RPL28: variants seen among roughly 807,000 people sequenced by gnomAD.
RPL28 encodes ribosomal protein L28.
Under a neutral mutation model 12.5 loss-of-function variants are expected in RPL28, and 4 were observed. The observed-to-expected ratio is 0.32, with a 90% confidence interval of 0.16 to 0.73. The LOEUF is 0.73. Ranked by LOEUF, RPL28 falls within the 30% of genes least tolerant of loss-of-function variation. The pLI, the probability that RPL28 is intolerant of heterozygous loss-of-function variation, is 0.66. For synonymous variants in RPL28, 91 were observed against 72.5 expected (o/e 1.26, Z -1.30); for missense variants, 214 against 197.7 (o/e 1.08, Z -0.49).
rs1430090522 is a variant in RPL28 at position 55,385,937 on chromosome 19, T to C, written c.-37T>C. 4.2e-6 allele frequency: 1 copy of C among 235,600 alleles called. No individual in the cohort carries two copies. Among genetic ancestry groups the C allele is most frequent in the African/African-American group, 2.2e-5 (1 of 44,714 alleles). 14.6% of individuals were successfully genotyped at this position (235,600 alleles called of 1,614,324 possible). A position where few individuals can be genotyped will look rare whatever the true frequency, so the allele number is the denominator to read the frequency against. On this transcript the variant is annotated 5_prime_UTR_variant, in exon 1 of 5. Coordinates refer to ENST00000344063, the MANE Select transcript of RPL28 (RefSeq NM_000991.5). ...TCGCCTCGCCCCTCGCCTTCCTCTT[T>C]CCGTCTCAGGTCGCCGCTGCGAAGG... is the stretch of plus-strand genomic sequence containing the variant.
intron 3 of RPL28, chr19:55,387,425 G>T: frequency 6.5e-7 from 1 of 1,537,546 alleles, no homozygotes; most frequent in South Asian, 1.2e-5. Flanking sequence ...CCAATTGCTT[G>T]GCACTTGGGG....
At position 55,401,192 on chromosome 19, in the gene RPL28, A is replaced by G. The variant is rs555506572; in HGVS notation, c.325-1751A>G. ...CCACTGCTGCAGTCCATGAGGCTTT[A>G]CAAGGACCCAGGGCCTGTGCAGGGG... On this transcript the variant is annotated intron_variant, in intron 4 of 4. Coordinates refer to the RPL28 transcript ENST00000560055. 199 of 572,974 alleles carry G rather than the reference A, an allele frequency of 3.5e-4. No homozygotes were observed. The African/African-American group carries it at 3.5e-3, about 10-fold the overall frequency. 35.5% of individuals were successfully genotyped at this position (572,974 alleles called of 1,614,324 possible).
In RPL28 at chr19:55,388,248, C is replaced by A; in HGVS notation, c.330C>A (p.Ala110=). The A allele has an allele frequency of 6.4e-7, 1 of 1,552,132 alleles. No homozygotes were observed. Among genetic ancestry groups the A allele is most frequent in the Non-Finnish European group, 8.7e-7 (1 of 1,150,790 alleles). Residue 110 remains alanine (A), a synonymous_variant, in exon 5 of 5, where the codon GCC becomes GCA. Coordinates refer to ENST00000344063, the MANE Select transcript of RPL28 (RefSeq NM_000991.5). ...CTCTGCTCCCCCGCCCCCAGGCAGCCATCCGCAGGGCCAGCGCCATCCTGC... is the reference window on the plus strand; with the variant it reads ...CTCTGCTCCCCCGCCCCCAGGCAGCAATCCGCAGGGCCAGCGCCATCCTGC... The part of the protein sequence containing the change: ...NKYRPDLRMA[A]IRRASAILRS...
chr19:55,399,571 G>A (rs1296107275), intron 4 of RPL28, among the ~76,000 whole-genome samples: 2 of 152,130 alleles, frequency 1.3e-5, no homozygotes, highest in East Asian at 3.9e-4. Flanking sequence ...CCAGAGGTTG[G>A]TAGGTATGGG....
At chr19:55,393,805 C>G (rs992553207), downstream of RPL28, among the ~76,000 whole-genome samples, 1 of 151,520 alleles carries the variant, frequency 6.6e-6, no homozygotes, top group Admixed American at 6.6e-5. Flanking sequence ...CCCGCCACCA[C>G]GCCTGGCTAA....
chr19:55,393,155 C>T (rs906177507), downstream of RPL28, among the ~76,000 whole-genome samples: 1 of 152,002 alleles, frequency 6.6e-6, no homozygotes, highest in African/African-American at 2.4e-5. Flanking sequence ...GCCCGCTCCC[C>T]TGCTGTCCCT....
downstream of RPL28, among the ~76,000 whole-genome samples, chr19:55,394,401 C>T (rs2090009917): frequency 1.3e-5 from 2 of 148,654 alleles, no homozygotes; most frequent in African/African-American, 2.5e-5. Context: ...CTGGCACCAC[C>T]GGTGTGCTCC....
rs201856628 is a variant in RPL28, at chr19:55,391,735, C to A, written c.*3403C>A. On this transcript the variant is annotated 3_prime_UTR_variant, in exon 5 of 5. Transcript: ENST00000344063. Reference sequence around the variant, plus strand: ...AACCTGCTTGACTGTGCCCACAAATCCTGATTGTAGGAATAAATTAATGAC... The same window carrying A: ...AACCTGCTTGACTGTGCCCACAAATACTGATTGTAGGAATAAATTAATGAC... The A allele has an allele frequency of 8.8e-5, 132 of 1,506,924 alleles. No individual in the cohort carries two copies. The highest frequency in any genetic ancestry group is 8.7e-4 in the African/African-American group (63 of 72,094). The allele number at this position is 1,506,924 out of a possible 1,614,324, so 93.3% of individuals were successfully genotyped here.
downstream of RPL28, among the ~76,000 whole-genome samples, chr19:55,393,554 A>C (rs2090004935): frequency 6.6e-6 from 1 of 151,946 alleles, no homozygotes; most frequent in Non-Finnish European, 1.5e-5. Context: ...CATCATCCTG[A>C]ATGGACACCC....
intron 4 of RPL28, among the ~76,000 whole-genome samples, chr19:55,402,530 C>T (rs1390584160): frequency 1.3e-5 from 2 of 152,198 alleles, no homozygotes; most frequent in South Asian, 2.1e-4. Flanking sequence ...TCTGGGCAAA[C>T]TGGCCACAGC....
At chr19:55,388,132 C>A (rs747614275) in intron 4 of RPL28, 84 bp downstream of exon 4, 2 of 1,588,622 alleles carry the variant, frequency 1.3e-6, no homozygotes, top group Non-Finnish European at 1.7e-6. Context: ...GCAATATGGG[C>A]TGGAGAGGGA....
chr19:55,403,250 T>C, exon 5 of RPL28: 1 of 586,934 alleles, frequency 1.7e-6, no homozygotes. Context: ...ACTGTATACT[T>C]TGGAACTGAG....
rs1472859263 is a variant in RPL28 at position 55,390,912 on chromosome 19, A to G, written c.*2580A>G. 18 of 985,358 alleles carry G rather than the reference A, an allele frequency of 1.8e-5. No individual in the cohort carries two copies. Among genetic ancestry groups the G allele is most frequent in the Non-Finnish European group, 2.0e-5 (17 of 829,958 alleles). 61.0% of individuals were successfully genotyped at this position (985,358 alleles called of 1,614,324 possible). A position where few individuals can be genotyped will look rare whatever the true frequency, so the allele number is the denominator to read the frequency against. ...AGAGAGATGTTGGATGGGGCCATCTATTCCAGCTTTATTCACACAAATCAT... is the reference window on the plus strand; with the variant it reads ...AGAGAGATGTTGGATGGGGCCATCTGTTCCAGCTTTATTCACACAAATCAT... On this transcript the variant is annotated 3_prime_UTR_variant, in exon 5 of 5. Coordinates refer to ENST00000344063, the MANE Select transcript of RPL28 (RefSeq NM_000991.5).
rs1464614062 is a variant in RPL28 at position 55,390,515 on chromosome 19, C to T, written c.*2183C>T. On this transcript the variant is annotated 3_prime_UTR_variant, in exon 5 of 5. Transcript: ENST00000344063. ...AGGCTTTCTGATGTGGCTGCTGCTG[C>T]TCAGAAGGCCTTGTCCTTAACCACC... The T allele has an allele frequency of 5.1e-6, 5 of 985,408 alleles. No individual in the cohort carries two copies. The highest frequency in any genetic ancestry group is 6.0e-6 in the Non-Finnish European group (5 of 830,004). 61.0% of individuals were successfully genotyped at this position (985,408 alleles called of 1,614,324 possible).
chr19:55,387,821 C>T (rs976712221), intron 3 of RPL28, 109 bp from the exon 4 acceptor site: 28 of 1,471,678 alleles, frequency 1.9e-5, no homozygotes, highest in Admixed American at 5.1e-5. Context: ...GCACCCGCCA[C>T]GGGCCCACGC....
At position 55,391,220 on chromosome 19, in the gene RPL28, T is replaced by C; in HGVS notation, c.*2888T>C. The C allele has an allele frequency of 4.1e-6, 1 of 244,836 alleles. No individual in the cohort carries two copies. Among genetic ancestry groups the C allele is most frequent in the South Asian group, 1.4e-4 (1 of 6,954 alleles). The allele number at this position is 244,836 out of a possible 1,614,324, so 15.2% of individuals were successfully genotyped here. ...GGCAGCATTCCCAGCTCAGGGCTAA[T>C]GGTTCACGGAAGCCAGGAATCAAAC... On this transcript the variant is annotated 3_prime_UTR_variant, in exon 5 of 5. Transcript: ENST00000344063.
chr19:55,395,698 C>T (rs1005108600), downstream of RPL28, among the ~76,000 whole-genome samples: 2 of 151,982 alleles, frequency 1.3e-5, no homozygotes, highest in East Asian at 3.9e-4. Context: ...CCACCTTGGC[C>T]TCCCAAAGTG....
At chr19:55,387,000 T>G (rs2089937196) in intron 3 of RPL28, 6 of 1,440,816 alleles carry the variant, frequency 4.2e-6, no homozygotes, top group Non-Finnish European at 4.5e-6. Flanking sequence ...CAAGTCAGGG[T>G]GGGGATGGAT....
Position 55,389,416 on chromosome 19 carries a change from ACT to A in RPL28, c.*1087_*1088del, listed in dbSNP as rs1220448816. The A allele has an allele frequency of 2.7e-5, 27 of 985,048 alleles. No homozygotes were observed. Among genetic ancestry groups the A allele is most frequent in the African/African-American group, 3.5e-5 (2 of 57,134 alleles). 61.0% of individuals were successfully genotyped at this position (985,048 alleles called of 1,614,324 possible). The stretch of plus-strand genomic sequence containing the variant: ...TCCTCACATGTTTCCTGGGCACCTA[ACT>A]CTGTCAGCCACTGCCAGGGACCAAG... On this transcript the variant is annotated 3_prime_UTR_variant, in exon 5 of 5. Transcript: ENST00000344063.
Sources: allele counts gnomAD v4.1 joint callset (sites outside exome capture counted in the v4.1 genomes callset), GRCh38; gene constraint gnomAD v4.1.1; transcripts MANE v1.5; gene names NCBI Gene and HGNC (gene_info 2026-07-23, HGNC 2026-07-21).